Variants in MTMR3 observed in about 807,000 individuals in gnomAD.
MTMR3 encodes myotubularin related protein 3, also known as phosphatidylinositol-3,5-bisphosphate 3-phosphatase MTMR3.
MTMR3 carries 32 observed loss-of-function variants against 132.4 expected under a neutral mutation model. That is an observed-to-expected ratio of 0.24 (90% CI 0.18 to 0.32). The LOEUF is 0.32. MTMR3 is among the 10% of genes least tolerant of loss of function. The pLI is 1.00. For missense variants in MTMR3, 1,216 were observed against 1,489.6 expected, an observed-to-expected ratio of 0.82 and a Z score of 3.02; for synonymous variants, 556 against 550.3, an observed-to-expected ratio of 1.01 and a Z score of -0.14.
rs57375920 is a variant in MTMR3 at position 29,906,245 on chromosome 22, C to CGTCTGTCT, written c.-138+22923_-138+22930dup. ...TTTGTCTCACATTTATCCATCCATC[C>CGTCTGTCT]GTCTGTCTGTCTGTCTGTCTGTCTG... On this transcript the variant is annotated intron_variant, in intron 1 of 19. Transcript: ENST00000401950. Among the ~76,000 whole-genome samples the CGTCTGTCT allele has an allele frequency of 1.2e-4, 13 of 107,154 alleles. 1 individual carries two copies. The highest frequency in any genetic ancestry group is 3.5e-4 in the African/African-American group (13 of 36,954). 70.3% of individuals were successfully genotyped at this position (107,154 alleles called of 152,430 possible). A position where few individuals can be genotyped will look rare whatever the true frequency, so the allele number is the denominator to read the frequency against.
intron 5 of MTMR3, chr22:29,982,548 G>T (rs2066770180): frequency 6.6e-6 from 1 of 152,164 alleles, no homozygotes; most frequent in Non-Finnish European, 1.5e-5. Flanking sequence ...AGACATACCA[G>T]CATATGTTGT....
chr22:29,913,914 G>C (rs895465326), intron 1 of MTMR3, among the ~76,000 whole-genome samples: 4 of 152,092 alleles, frequency 2.6e-5, no homozygotes, highest in Admixed American at 2.0e-4. Context: ...ACCGCACTCG[G>C]CTAATTTTTT....
chr22:29,951,718 G>T (rs527993837), intron 1 of MTMR3, among the ~76,000 whole-genome samples: 6 of 152,024 alleles, frequency 3.9e-5, no homozygotes, highest in Admixed American at 3.9e-4. Flanking sequence ...ACATTAAAAA[G>T]GTCAATTTAT....
At chr22:30,007,614 C>A in intron 10 of MTMR3, 1 of 556,778 alleles carries the variant, frequency 1.8e-6, no homozygotes, top group South Asian at 2.2e-5. Context: ...CAGGAAATGC[C>A]AGGCTTCATG....
At chr22:29,945,417 A>G (rs531574695) in intron 1 of MTMR3, among the ~76,000 whole-genome samples, 1 of 152,294 alleles carries the variant, frequency 6.6e-6, no homozygotes, top group African/African-American at 2.4e-5. Flanking sequence ...AATGTTTTCA[A>G]GCTGGCCAGG....
chr22:30,007,715 T>G (rs1230565363), intron 10 of MTMR3, 186 bp from the exon 11 acceptor site: 1 of 680,866 alleles, frequency 1.5e-6, no homozygotes, highest in Non-Finnish European at 2.4e-6. Context: ...GAATAAATCC[T>G]TCTCATCTTT....
At chr22:29,927,862 T>C (rs945372101) in intron 1 of MTMR3, among the ~76,000 whole-genome samples, 1 of 152,102 alleles carries the variant, frequency 6.6e-6, no homozygotes, top group African/African-American at 2.4e-5. Flanking sequence ...CTTTTTCTTT[T>C]TTTAAAATTT....
At chr22:29,891,409 A>G (rs1229023441) in intron 1 of MTMR3, among the ~76,000 whole-genome samples, 1 of 139,908 alleles carries the variant, frequency 7.1e-6, no homozygotes, top group Non-Finnish European at 1.6e-5. Flanking sequence ...GTGTATATAT[A>G]ACATATATAT....
At chr22:30,016,478 A>G in intron 14 of MTMR3, 50 bp from the exon 15 acceptor site, 1 of 1,587,152 alleles carries the variant, frequency 6.3e-7, no homozygotes, top group Non-Finnish European at 8.6e-7. Context: ...CTGACTTATC[A>G]GAGTGTGCAT....
At chr22:29,971,124 TG>T in intron 3 of MTMR3, 62 bp downstream of exon 3, 1 of 1,511,928 alleles carries the variant, frequency 6.6e-7, no homozygotes, top group Non-Finnish European at 9.0e-7. Context: ...GACAATTAAG[TG>T]AACACTAATA....
At chr22:29,909,894 G>A (rs1394338189) in intron 1 of MTMR3, among the ~76,000 whole-genome samples, 1 of 149,098 alleles carries the variant, frequency 6.7e-6, no homozygotes, top group African/African-American at 2.5e-5. Context: ...GGTGGCTCAC[G>A]CCTGTAATCC....
At chr22:29,897,703 G>A (rs2064929584) in intron 1 of MTMR3, among the ~76,000 whole-genome samples, 1 of 152,080 alleles carries the variant, frequency 6.6e-6, no homozygotes, top group African/African-American at 2.4e-5. Context: ...GCCCATCTTG[G>A]CCCCCCAAAG....
chr22:29,990,002 G>C (rs759091423), intron 6 of MTMR3: 2 of 152,284 alleles, frequency 1.3e-5, no homozygotes, highest in Non-Finnish European at 2.9e-5. Context: ...AGGCCGAGGT[G>C]GGGGTGGATC....
intron 3 of MTMR3, among the ~76,000 whole-genome samples, chr22:29,971,898 A>C (rs921825614): frequency 6.6e-6 from 1 of 152,232 alleles, no homozygotes; most frequent in Non-Finnish European, 1.5e-5. Flanking sequence ...CCTAGATCCA[A>C]ACTGTTTTAT....
In MTMR3 at chr22:30,020,576, C is replaced by A. The variant is rs758682285; in HGVS notation, c.2917C>A (p.Gln973Lys). Reference sequence around the variant, plus strand: ...TAGGAGCAAGGACTCACTGAGCCGTCAGCTGTCTGCTATGAGCTGCAGCTC... The same window carrying A: ...TAGGAGCAAGGACTCACTGAGCCGTAAGCTGTCTGCTATGAGCTGCAGCTC... ...AGRSKDSLSR[Q>K]LSAMSCSSAH... The change falls in exon 17 of 20, where the codon CAG (glutamine) becomes AAG (lysine). Residue 973 changes from glutamine (Q) to lysine (K), a missense_variant. Gln to Lys is a moderately conservative substitution (Grantham distance 53). This residue lies in a region of MTMR3 where 852 missense variants were observed against 852.0 expected (regional missense o/e 1.00). Transcript: ENST00000401950. 7.4e-6 allele frequency: 12 copies of A among 1,614,214 alleles called. No homozygotes were observed. The highest frequency in any genetic ancestry group is 1.0e-5 in the Non-Finnish European group (12 of 1,180,046).
intron 2 of MTMR3, among the ~76,000 whole-genome samples, chr22:29,962,724 G>A (rs1156863161): frequency 2.6e-5 from 4 of 151,836 alleles, no homozygotes; most frequent in African/African-American, 4.8e-5. Flanking sequence ...TCTTACCGTC[G>A]GTCTTTCCCA....
intron 1 of MTMR3, among the ~76,000 whole-genome samples, chr22:29,947,208 C>T (rs2065969925): frequency 6.6e-6 from 1 of 152,072 alleles, no homozygotes; most frequent in African/African-American, 2.4e-5. Context: ...GACATAGCTC[C>T]TTTGACAAAT....
Position 30,022,668 on chromosome 22 carries a change from C to G in MTMR3, c.3396C>G (p.Phe1132Leu), listed in dbSNP as rs1159936256. Residue 1132 changes from phenylalanine (F) to leucine (L), a missense_variant, in exon 19 of 20, where the codon TTC becomes TTG. Physicochemically the swap from Phe to Leu is conservative, Grantham distance 22. Coordinates refer to ENST00000401950, the MANE Select transcript of MTMR3 (RefSeq NM_021090.4). Reference sequence around the variant, plus strand: ...ACTGCTATGCGTGCGACAGTGCCTTCTGGCTTGCCAGCAGGAAGCACCACT... The same window carrying G: ...ACTGCTATGCGTGCGACAGTGCCTTGTGGCTTGCCAGCAGGAAGCACCACT... ...AAHCYACDSA[F>L]WLASRKHHCR... 1 of 1,611,002 alleles carries G rather than the reference C, an allele frequency of 6.2e-7. No homozygotes were observed. The highest frequency in any genetic ancestry group is 1.3e-5 in the African/African-American group (1 of 75,056).
chr22:29,909,643 G>A (rs1276788553), intron 1 of MTMR3, among the ~76,000 whole-genome samples: 1 of 152,114 alleles, frequency 6.6e-6, no homozygotes, highest in Non-Finnish European at 1.5e-5. Context: ...AAAATTATAA[G>A]CGAGGACCTG....
Sources: allele counts gnomAD v4.1 joint callset (sites outside exome capture counted in the v4.1 genomes callset), GRCh38; gene constraint gnomAD v4.1.1; regional missense constraint gnomAD v4.1.1; transcripts MANE v1.5; gene names NCBI Gene and HGNC (gene_info 2026-07-23, HGNC 2026-07-21).